COL14A1: variants seen among roughly 807,000 people sequenced by gnomAD.
COL14A1 encodes collagen alpha-1(XIV) chain.
In COL14A1, 136 loss-of-function variants were observed where a neutral mutation model predicts 230.3. The ratio of observed to expected loss-of-function variants is 0.59; its 90% CI spans 0.51 to 0.68. The LOEUF is 0.68. Ranked by LOEUF, COL14A1 falls within the 30% of genes least tolerant of loss-of-function variation. The pLI, the probability that COL14A1 is intolerant of heterozygous loss-of-function variation, is 0.00. For missense variants in COL14A1, 1,976 were observed against 2,215.8 expected (o/e 0.89, Z 2.17); for synonymous variants, 792 against 784.1 (o/e 1.01, Z -0.17).
chr8:120,355,313 C>G (rs1307648117), intron 45 of COL14A1, among the ~76,000 whole-genome samples: 1 of 152,084 alleles, frequency 6.6e-6, no homozygotes, highest in Non-Finnish European at 1.5e-5. Context: ...ATATATTAAA[C>G]AAGTCAACAA....
chr8:120,305,772 G>C (rs1394225689), intron 36 of COL14A1, among the ~76,000 whole-genome samples: 1 of 151,756 alleles, frequency 6.6e-6, no homozygotes, highest in Non-Finnish European at 1.5e-5. Flanking sequence ...TTTAATTTTT[G>C]CTTTTTTTGT....
chr8:120,128,045 T>C (rs952836074), intron 1 of COL14A1, among the ~76,000 whole-genome samples: 2 of 152,200 alleles, frequency 1.3e-5, no homozygotes, highest in African/African-American at 4.8e-5. Context: ...AAATAAACTT[T>C]CTTCTTGGCA....
chr8:120,332,289 C>T (rs879166803), intron 41 of COL14A1, 95 bp downstream of exon 41: 4 of 1,190,124 alleles, frequency 3.4e-6, no homozygotes, highest in Admixed American at 1.8e-5. Flanking sequence ...TACCAGCAGC[C>T]GTCTTCACTA....
chr8:120,227,950 C>T lies in COL14A1; in HGVS notation c.2137+598C>T, dbSNP rs755574889. Among the ~76,000 whole-genome samples, 11 of 152,110 alleles carry T rather than the reference C, an allele frequency of 7.2e-5. No homozygotes were observed. The East Asian group carries it at 7.7e-4, about 11-fold the overall frequency. On this transcript the variant is annotated intron_variant, in intron 17 of 47. Transcript: ENST00000297848. ...GAAGAGTGCAGTTGGGAGATGCTTA[C>T]GTAAAAAACTGAGGACAGCAGGAGG...
At chr8:120,217,989 A>G (rs932319787) in intron 14 of COL14A1, among the ~76,000 whole-genome samples, 7 of 140,186 alleles carry the variant, frequency 5.0e-5, no homozygotes, top group Admixed American at 3.1e-4. Context: ...ATATATATTT[A>G]CAAATATATA....
chr8:120,348,782 A>C (rs949573935), intron 45 of COL14A1, among the ~76,000 whole-genome samples: 4 of 152,242 alleles, frequency 2.6e-5, no homozygotes, highest in Non-Finnish European at 4.4e-5. Context: ...ACTTTTAAAA[A>C]TGTGATACAC....
At chr8:120,290,409 T>G (rs1820337005) in intron 34 of COL14A1, among the ~76,000 whole-genome samples, 2 of 152,072 alleles carry the variant, frequency 1.3e-5, no homozygotes, top group Admixed American at 6.6e-5. Flanking sequence ...AAAAAAAGAA[T>G]AGTGCACACA....
chr8:120,260,258 A>G (rs1362305369), intron 23 of COL14A1, among the ~76,000 whole-genome samples: 4 of 152,134 alleles, frequency 2.6e-5, no homozygotes, highest in Non-Finnish European at 5.9e-5. Context: ...AAAATAACAT[A>G]TATCATGTTT....
At chr8:120,354,956 C>T (rs1248801816) in intron 45 of COL14A1, among the ~76,000 whole-genome samples, 1 of 147,412 alleles carries the variant, frequency 6.8e-6, no homozygotes, top group Non-Finnish European at 1.5e-5. Flanking sequence ...GGTTACCTCT[C>T]CCCATTAAAC....
chr8:120,213,983 C>T (rs1474457408), intron 13 of COL14A1: 4 of 404,236 alleles, frequency 9.9e-6, no homozygotes, highest in Non-Finnish European at 1.9e-5. Context: ...TCTTTATTGT[C>T]AAAGAATCAG....
intron 26 of COL14A1, among the ~76,000 whole-genome samples, chr8:120,273,485 A>G (rs1248838353): frequency 2.0e-5 from 3 of 151,924 alleles, no homozygotes; most frequent in Admixed American, 2.0e-4. Flanking sequence ...GCAATAAAAA[A>G]GATCAATGAA....
intron 31 of COL14A1, among the ~76,000 whole-genome samples, chr8:120,283,180 G>A (rs529312365): frequency 1.0e-3 from 155 of 152,300 alleles, no homozygotes; most frequent in Non-Finnish European, 2.1e-3. Context: ...GATCTGGATG[G>A]TGCAACACAG....
chr8:120,231,442 T>A (rs768889012), intron 18 of COL14A1, 25 bp from the exon 19 acceptor site: 7 of 1,607,694 alleles, frequency 4.4e-6, no homozygotes, highest in South Asian at 2.2e-5. Context: ...AAAAGTTTTT[T>A]AATCCTTGGT....
intron 4 of COL14A1, among the ~76,000 whole-genome samples, chr8:120,165,033 CA>C (rs1424815471): frequency 6.6e-6 from 1 of 152,106 alleles, no homozygotes; most frequent in Non-Finnish European, 1.5e-5. Context: ...TGTAGAGAAA[CA>C]ATATAACTTT....
intron 45 of COL14A1, among the ~76,000 whole-genome samples, chr8:120,361,955 C>G (rs7011270): frequency 0.42 from 63,900 of 152,128 alleles, 13,390 homozygotes; most frequent in African/African-American, 0.44. Flanking sequence ...AAATCTTGCT[C>G]AGGGCACACA....
chr8:120,338,354 A>G (rs1434443565), intron 42 of COL14A1, among the ~76,000 whole-genome samples: 1 of 152,204 alleles, frequency 6.6e-6, no homozygotes, highest in African/African-American at 2.4e-5. Flanking sequence ...TTCTCTTTCA[A>G]CAGAGTGGTA....
At chr8:120,136,401 A>AT (rs1272301556) in intron 1 of COL14A1, among the ~76,000 whole-genome samples, 28 of 135,136 alleles carry the variant, frequency 2.1e-4, no homozygotes, top group Non-Finnish European at 3.4e-4. Context: ...TATATATATA[A>AT]AATCTCATGC....
intron 4 of COL14A1, among the ~76,000 whole-genome samples, chr8:120,166,221 A>G (rs1451663387): frequency 2.0e-5 from 3 of 152,210 alleles, no homozygotes; most frequent in Non-Finnish European, 4.4e-5. Flanking sequence ...GGCAGGGAGC[A>G]GTTGTTTAAG....
At chr8:120,225,754 A>AC (rs1420918229) in intron 15 of COL14A1, among the ~76,000 whole-genome samples, 1 of 151,712 alleles carries the variant, frequency 6.6e-6, no homozygotes, top group African/African-American at 2.4e-5. Flanking sequence ...CCCTGTAGCC[A>AC]CTTTTTATCT....
Sources: allele counts gnomAD v4.1 joint callset (sites outside exome capture counted in the v4.1 genomes callset), GRCh38; gene constraint gnomAD v4.1.1; transcripts MANE v1.5; gene names NCBI Gene and HGNC (gene_info 2026-07-23, HGNC 2026-07-21).